Variants in SLC25A29 observed in about 807,000 individuals in gnomAD.
SLC25A29 encodes solute carrier family 25 member 29.
Under a neutral mutation model 10.0 loss-of-function variants are expected in SLC25A29, and 13 were observed. The ratio of observed to expected loss-of-function variants is 1.30; its 90% CI spans 0.85 to 2.07. The LOEUF is 2.07. SLC25A29 is among the 30% of genes most tolerant of loss of function. SLC25A29 has a pLI of 0.00. For missense variants in SLC25A29, 475 were observed against 447.6 expected, an observed-to-expected ratio of 1.06 and a Z score of -0.55; for synonymous variants, 244 against 221.1, an observed-to-expected ratio of 1.10 and a Z score of -0.92.
At chr14:100,296,668 G>A (rs1036341126) in intron 2 of SLC25A29, 2 of 152,184 alleles carry the variant, frequency 1.3e-5, no homozygotes, top group Admixed American at 1.3e-4. Context: ...ACGCGATCTT[G>A]GCTCACTGCA....
At position 100,296,100 on chromosome 14, in the gene SLC25A29, T is replaced by C. The variant is rs770582993; in HGVS notation, c.79-2723A>G. 5 of 1,108,132 alleles carry C rather than the reference T, an allele frequency of 4.5e-6. No homozygotes were observed. The African/African-American group carries it at 8.1e-5, about 18-fold the overall frequency. The allele number at this position is 1,108,132 out of a possible 1,614,324, so 68.6% of individuals were successfully genotyped here. A position where few individuals can be genotyped will look rare whatever the true frequency, so the allele number is the denominator to read the frequency against. On this transcript the variant is annotated intron_variant, in intron 2 of 3. Coordinates refer to ENST00000359232, the MANE Select transcript of SLC25A29 (RefSeq NM_001039355.3). The stretch of plus-strand genomic sequence containing the variant: ...GCCCCTGATGATCCTAGGGTACAGC[T>C]GCAATTATATTCAACCAGGCAAAAG...
At chr14:100,302,463 G>GATTC (rs1892629257) in intron 1 of SLC25A29, among the ~76,000 whole-genome samples, 1 of 150,812 alleles carries the variant, frequency 6.6e-6, no homozygotes, top group African/African-American at 2.4e-5. Flanking sequence ...GGGTTTAAGT[G>GATTC]ATTCTCCTGC....
rs1247298694 is a variant in SLC25A29, at chr14:100,292,397, G to A, written c.798C>T (p.Phe266=). The A allele has an allele frequency of 1.3e-6, 2 of 1,569,914 alleles. No individual in the cohort carries two copies. The highest frequency in any genetic ancestry group is 3.7e-5 in the Admixed American group (2 of 53,804). ...LRAFPVNAAT[F]ATVTVVLTYA... is the part of the protein sequence containing the mutation. ...AGGTGAGCACCACCGTGACGGTGGC[G>A]AAGGTGGCAGCGTTGACGGGGAAGG... The change falls in exon 4 of 4, where the codon TTC becomes TTT. Residue 266 remains phenylalanine (F), a synonymous_variant. Transcript: ENST00000359232.
the SLC25A29 span, among the ~76,000 whole-genome samples, chr14:100,284,479 C>T: frequency 6.6e-6 from 1 of 152,270 alleles, no homozygotes; most frequent in Non-Finnish European, 1.5e-5. Context: ...CAGCGGTTCC[C>T]TACTTCCTAC....
chr14:100,303,829 A>T (rs1023799764), intron 1 of SLC25A29, among the ~76,000 whole-genome samples: 2 of 152,112 alleles, frequency 1.3e-5, no homozygotes, highest in Non-Finnish European at 2.9e-5. Context: ...GATGGCTGGT[A>T]GCAGAGGTAG....
intron 1 of SLC25A29, among the ~76,000 whole-genome samples, chr14:100,303,306 C>T (rs61993686): frequency 0.041 from 6,204 of 152,340 alleles, 172 homozygotes; most frequent in Non-Finnish European, 0.056. Flanking sequence ...GGGGGCCCCT[C>T]GAGGCCCCTC....
chr14:100,290,152 A>G (rs1203935738), downstream of SLC25A29, among the ~76,000 whole-genome samples: 1 of 152,156 alleles, frequency 6.6e-6, no homozygotes, highest in East Asian at 1.9e-4. Flanking sequence ...CTTTCTAGAG[A>G]GTGCAGATGT....
downstream of SLC25A29, among the ~76,000 whole-genome samples, chr14:100,290,018 C>T (rs996073477): frequency 2.6e-5 from 4 of 152,204 alleles, no homozygotes; most frequent in East Asian, 3.8e-4. Context: ...CGCACCACTC[C>T]TCACTTCTGA....
At chr14:100,284,506 G>A in the SLC25A29 span, among the ~76,000 whole-genome samples, 1 of 152,092 alleles carries the variant, frequency 6.6e-6, no homozygotes, top group Non-Finnish European at 1.5e-5. Context: ...ATCCAGTCCC[G>A]CCGACCCTCA....
At chr14:100,285,436 G>A in the SLC25A29 span, among the ~76,000 whole-genome samples, 1 of 151,738 alleles carries the variant, frequency 6.6e-6, no homozygotes, top group Non-Finnish European at 1.5e-5. Flanking sequence ...CACTGTGCCA[G>A]CGGGCCCCGG....
At chr14:100,288,354 C>A (rs1309938188), downstream of SLC25A29, among the ~76,000 whole-genome samples, 3 of 113,314 alleles carry the variant, frequency 2.6e-5, no homozygotes, top group Admixed American at 4.0e-4. Context: ...TGCACTCCAG[C>A]CTGGGTGAAA....
Sources: allele counts gnomAD v4.1 joint callset (sites outside exome capture counted in the v4.1 genomes callset), GRCh38; gene constraint gnomAD v4.1.1; transcripts MANE v1.5; gene names NCBI Gene and HGNC (gene_info 2026-07-23, HGNC 2026-07-21).